The following DLGAP4 variants were observed in gnomAD, a reference collection of about 807,000 sequenced individuals.
The protein encoded by DLGAP4 is DLG associated protein 4, also known as disks large-associated protein 4.
Under a neutral mutation model 86.9 loss-of-function variants are expected in DLGAP4, and 18 were observed. That is an observed-to-expected ratio of 0.21 (90% CI 0.14 to 0.31). The LOEUF (loss-of-function observed/expected upper bound fraction) is 0.31. Ranked by LOEUF, DLGAP4 falls within the 10% of genes least tolerant of loss-of-function variation. DLGAP4 has a pLI of 1.00. For missense variants in DLGAP4, 1,085 were observed against 1,362.6 expected (o/e 0.80, Z 3.21); for synonymous variants, 548 against 574.3 (o/e 0.95, Z 0.65).
intron 1 of DLGAP4, among the ~76,000 whole-genome samples, chr20:36,324,133 G>A (rs782616600): frequency 6.6e-6 from 1 of 152,108 alleles, no homozygotes; most frequent in Non-Finnish European, 1.5e-5. Flanking sequence ...TCTTCTAAGA[G>A]CTTTATAGTT....
chr20:36,457,539 C>A (rs2033909744), intron 7 of DLGAP4, among the ~76,000 whole-genome samples: 1 of 152,084 alleles, frequency 6.6e-6, no homozygotes, highest in South Asian at 2.1e-4. Context: ...TGCCACCACA[C>A]CTGGCTAATT....
At position 36,329,981 on chromosome 20, in the gene DLGAP4, G is replaced by A. The variant is rs564154834; in HGVS notation, c.-304+23469G>A. 6.4e-4 allele frequency among the ~76,000 whole-genome samples: 94 copies of A among 147,280 alleles called. 1 individual carries two copies. Among genetic ancestry groups the A allele is most frequent in the Non-Finnish European group, 1.1e-3 (73 of 67,524 alleles). On this transcript the variant is annotated intron_variant, in intron 1 of 12. Transcript: ENST00000339266. ...GGAGGTGGAGGTTGCAGTGAGCAAA[G>A]ATCTCACACTCCAGCCTGGGTGACA...
chr20:36,515,587 T>C (rs1389896073), intron 10 of DLGAP4, among the ~76,000 whole-genome samples: 5 of 152,220 alleles, frequency 3.3e-5, no homozygotes, highest in East Asian at 1.9e-4. Flanking sequence ...TTTAAATGTA[T>C]TTTAATTTAT....
At chr20:36,398,230 C>G (rs1569485250) in intron 2 of DLGAP4, among the ~76,000 whole-genome samples, 1 of 152,136 alleles carries the variant, frequency 6.6e-6, no homozygotes, top group African/African-American at 2.4e-5. Flanking sequence ...TTAGAGAGAA[C>G]CAAGGGCTGT....
chr20:36,406,562 A>C (rs950399320), intron 2 of DLGAP4, among the ~76,000 whole-genome samples: 2 of 151,346 alleles, frequency 1.3e-5, no homozygotes, highest in Non-Finnish European at 2.9e-5. Context: ...GGGGTGACGG[A>C]GCACCTGTGG....
At chr20:36,404,742 G>A (rs1015682937) in intron 2 of DLGAP4, among the ~76,000 whole-genome samples, 1 of 144,794 alleles carries the variant, frequency 6.9e-6, no homozygotes, top group African/African-American at 2.8e-5. Context: ...ACAAATATTT[G>A]TTGGTTGGAT....
intron 1 of DLGAP4, among the ~76,000 whole-genome samples, chr20:36,346,424 A>C (rs1200676152): frequency 6.6e-6 from 1 of 152,172 alleles, no homozygotes; most frequent in Non-Finnish European, 1.5e-5. Flanking sequence ...CATCCGGGAC[A>C]CTCTCCTGGA....
At chr20:36,522,533 G>T (rs939649975) in intron 10 of DLGAP4, among the ~76,000 whole-genome samples, 1 of 152,024 alleles carries the variant, frequency 6.6e-6, no homozygotes, top group East Asian at 1.9e-4. Flanking sequence ...TGTTTGTTTG[G>T]TTTTTGAGAT....
At chr20:36,406,257 G>C (rs1055349409) in intron 2 of DLGAP4, among the ~76,000 whole-genome samples, 2 of 152,134 alleles carry the variant, frequency 1.3e-5, no homozygotes, top group African/African-American at 4.8e-5. Context: ...AATTAGCCAG[G>C]CATGGTGGCG....
At chr20:36,310,827 G>T (rs2065047056) in intron 1 of DLGAP4, among the ~76,000 whole-genome samples, 1 of 152,184 alleles carries the variant, frequency 6.6e-6, no homozygotes, top group Non-Finnish European at 1.5e-5. Flanking sequence ...GGGAGTGAGG[G>T]TGCTGGAGAG....
chr20:36,499,720 C>A, intron 9 of DLGAP4, 44 bp downstream of exon 9: 1 of 1,503,800 alleles, frequency 6.6e-7, no homozygotes, highest in South Asian at 1.2e-5. Context: ...CTCTCCTCTC[C>A]CTCCCTCCGC....
rs141542744 is a variant in DLGAP4 at position 36,431,833 on chromosome 20, C to T, written c.116C>T (p.Ala39Val). The change falls in exon 3 of 13, where the codon GCC (alanine) becomes GTC (valine). Residue 39 changes from alanine (A) to valine (V), a missense_variant. This residue lies in a region of DLGAP4 where 1,082 missense variants were observed against 1,344.1 expected (regional missense o/e 0.81). Transcript: ENST00000339266. The surrounding 1 kb of genome is among the most constrained non-coding windows in gnomAD (Gnocchi z 5.1). ...RNPYLLSPTEAFAREARFPGQ... is the reference protein window; with the variant it reads ...RNPYLLSPTEVFAREARFPGQ... ...CCCTACCTGCTGTCGCCCACGGAGGCCTTCGCCCGCGAGGCCCGCTTCCCC... is the reference window on the plus strand; with the variant it reads ...CCCTACCTGCTGTCGCCCACGGAGGTCTTCGCCCGCGAGGCCCGCTTCCCC... 975 of 1,613,822 alleles carry T rather than the reference C, an allele frequency of 6.0e-4. No homozygotes were observed. The highest frequency in any genetic ancestry group is 7.5e-4 in the Non-Finnish European group (880 of 1,179,960).
chr20:36,482,625 G>A (rs1422146303), intron 7 of DLGAP4, among the ~76,000 whole-genome samples: 2 of 152,090 alleles, frequency 1.3e-5, no homozygotes, highest in Non-Finnish European at 2.9e-5. Context: ...TAACTGGGCG[G>A]TTTCTCCTGC....
chr20:36,426,806 G>A (rs534297371), intron 2 of DLGAP4, among the ~76,000 whole-genome samples: 69 of 152,242 alleles, frequency 4.5e-4, no homozygotes, highest in Non-Finnish European at 7.6e-4. Context: ...ATCTATGGAC[G>A]TGGTTGTCAG....
At chr20:36,451,722 C>A (rs563769481) in intron 7 of DLGAP4, among the ~76,000 whole-genome samples, 19 of 150,704 alleles carry the variant, frequency 1.3e-4, no homozygotes, top group Middle Eastern at 3.6e-3. Flanking sequence ...CATACGGCAT[C>A]TTAACTGGCC....
intron 1 of DLGAP4, among the ~76,000 whole-genome samples, chr20:36,356,378 C>A (rs1405460708): frequency 1.3e-5 from 2 of 152,232 alleles, no homozygotes; most frequent in African/African-American, 2.4e-5. Context: ...ATGGTGCGAT[C>A]TTGGCTCACT....
intron 11 of DLGAP4, among the ~76,000 whole-genome samples, chr20:36,524,579 G>A (rs1307142524): frequency 6.6e-6 from 1 of 152,188 alleles, no homozygotes; most frequent in Non-Finnish European, 1.5e-5. Flanking sequence ...GGATGGTAAA[G>A]TCAATTAGCA....
intron 2 of DLGAP4, among the ~76,000 whole-genome samples, chr20:36,370,138 AG>A (rs993077653): frequency 6.6e-6 from 1 of 152,142 alleles, no homozygotes; most frequent in African/African-American, 2.4e-5. Flanking sequence ...AGGTGTGTGC[AG>A]TCATAGGCAG....
intron 7 of DLGAP4, among the ~76,000 whole-genome samples, chr20:36,478,146 A>G (rs1356092369): frequency 1.3e-5 from 2 of 152,214 alleles, no homozygotes; most frequent in Non-Finnish European, 2.9e-5. Context: ...CATGGTGATC[A>G]TCTTGTCCAG....
Sources: allele counts gnomAD v4.1 joint callset (sites outside exome capture counted in the v4.1 genomes callset), GRCh38; gene constraint gnomAD v4.1.1; regional missense constraint gnomAD v4.1.1; non-coding constraint Gnocchi (gnomAD v3.1); transcripts MANE v1.5; gene names NCBI Gene and HGNC (gene_info 2026-07-23, HGNC 2026-07-21).